Variants in TMIGD3 observed in about 807,000 individuals in gnomAD.
TMIGD3 encodes the protein transmembrane and immunoglobulin domain containing 3.
Under a neutral mutation model 28.1 loss-of-function variants are expected in TMIGD3, and 21 were observed. That is an observed-to-expected ratio of 0.75 (90% confidence interval 0.53 to 1.08). The LOEUF is 1.08. TMIGD3 is among the 50% of genes least tolerant of loss of function. The pLI is 0.00. For missense variants in TMIGD3, 416 were observed against 435.6 expected, an observed-to-expected ratio of 0.96 and a Z score of 0.40; for synonymous variants, 151 against 162.1, an observed-to-expected ratio of 0.93 and a Z score of 0.52.
Position 111,544,569 on chromosome 1 carries a change from C to T in TMIGD3, c.107+19277G>A, listed in dbSNP as rs142470042. On this transcript the variant is annotated intron_variant, in intron 1 of 5. Transcript: ENST00000369717. The stretch of plus-strand genomic sequence containing the variant: ...GTCATTTTTGTAGTTGAATAACGTT[C>T]CATTATATACCACATTTTGTTTATC... Among the ~76,000 whole-genome samples the T allele has an allele frequency of 2.9e-3, 448 of 152,238 alleles. 2 individuals are homozygous for T. The highest frequency in any genetic ancestry group is 5.3e-3 in the Non-Finnish European group (358 of 67,994).
At chr1:111,530,629 G>C (rs934493258) in intron 1 of TMIGD3, among the ~76,000 whole-genome samples, 2 of 152,172 alleles carry the variant, frequency 1.3e-5, no homozygotes, top group Non-Finnish European at 2.9e-5. Flanking sequence ...GTACCTTAAA[G>C]ATGTTGTTCC....
chr1:111,491,006 A>T (rs1654632609), intron 1 of TMIGD3, among the ~76,000 whole-genome samples: 1 of 152,254 alleles, frequency 6.6e-6, no homozygotes, highest in African/African-American at 2.4e-5. Context: ...AGAAAAGCAC[A>T]TGCACACAGC....
chr1:111,508,322 G>A (rs12083507), upstream of TMIGD3, among the ~76,000 whole-genome samples: 30,218 of 152,168 alleles, frequency 0.2, 4,485 homozygotes, highest in African/African-American at 0.42. Context: ...GCACGGTAGC[G>A]TCAGCTTCAA....
chr1:111,487,992 A>G (rs576273444), intron 3 of TMIGD3, among the ~76,000 whole-genome samples: 126 of 152,054 alleles, frequency 8.3e-4, no homozygotes, highest in African/African-American at 2.8e-3. Flanking sequence ...TTTTGTAGGG[A>G]TGGGCTTTCT....
At chr1:111,517,418 A>G (rs938524005) in intron 1 of TMIGD3, among the ~76,000 whole-genome samples, 1 of 151,648 alleles carries the variant, frequency 6.6e-6, no homozygotes, top group Non-Finnish European at 1.5e-5. Flanking sequence ...TACATACCCC[A>G]GGCCATTTGT....
chr1:111,494,374 C>T (rs1654796271), intron 1 of TMIGD3, among the ~76,000 whole-genome samples: 1 of 152,186 alleles, frequency 6.6e-6, no homozygotes, highest in African/African-American at 2.4e-5. Context: ...TTTCAGAAAA[C>T]AAAATCAATG....
intron 1 of TMIGD3, among the ~76,000 whole-genome samples, chr1:111,497,301 G>A (rs1201850597): frequency 1.3e-5 from 2 of 152,026 alleles, no homozygotes; most frequent in Non-Finnish European, 2.9e-5. Flanking sequence ...TAGTAGAGAC[G>A]GGGTTTCACT....
At chr1:111,506,746 C>T (rs563635663), upstream of TMIGD3, among the ~76,000 whole-genome samples, 1 of 151,820 alleles carries the variant, frequency 6.6e-6, no homozygotes, top group Non-Finnish European at 1.5e-5. Context: ...GTAGATTTGG[C>T]AACTGCTCTG....
rs1434383769 is a variant in TMIGD3 at position 111,485,813 on chromosome 1, C to T, written c.900G>A (p.Leu300=). 2.5e-6 allele frequency: 4 copies of T among 1,603,288 alleles called. No homozygotes were observed. Among genetic ancestry groups the T allele is most frequent in the Admixed American group, 3.4e-5 (2 of 59,366 alleles). The change falls in exon 5 of 6, where the codon CTG becomes CTA. Residue 300 remains leucine (L), a synonymous_variant. Transcript: ENST00000369716. The part of the protein sequence containing the change: ...SRTSILIICI[L]ITGLGIISVI... Reference sequence around the variant, plus strand: ...CAGAGATGATTCCCAAACCCGTGATCAGTATGCAAATGATGAGAATGGACG... The same window carrying T: ...CAGAGATGATTCCCAAACCCGTGATTAGTATGCAAATGATGAGAATGGACG...
upstream of TMIGD3, among the ~76,000 whole-genome samples, chr1:111,505,919 T>G (rs1322546930): frequency 6.6e-6 from 1 of 152,202 alleles, no homozygotes; most frequent in Non-Finnish European, 1.5e-5. Context: ...TCCTGTCACC[T>G]GGGTCCGCAC....
chr1:111,507,452 G>A (rs565093047), upstream of TMIGD3, among the ~76,000 whole-genome samples: 14 of 152,296 alleles, frequency 9.2e-5, no homozygotes, highest in African/African-American at 3.4e-4. Flanking sequence ...TCAACCACAA[G>A]GCTGCAACCT....
chr1:111,532,570 G>A (rs1032093636), intron 1 of TMIGD3, among the ~76,000 whole-genome samples: 18 of 152,252 alleles, frequency 1.2e-4, no homozygotes, highest in South Asian at 4.2e-4. Flanking sequence ...CAGGAGAATC[G>A]CTTGAGGCCA....
intron 1 of TMIGD3, among the ~76,000 whole-genome samples, chr1:111,495,676 C>T (rs1212698539): frequency 2.0e-5 from 3 of 152,150 alleles, no homozygotes; most frequent in Non-Finnish European, 2.9e-5. Context: ...TGGGTATATA[C>T]CCAAAGAAAT....
At chr1:111,563,378 GAAATAATTGGAA>G (rs1338622152) in intron 1 of TMIGD3, among the ~76,000 whole-genome samples, 1 of 152,222 alleles carries the variant, frequency 6.6e-6, no homozygotes, top group Non-Finnish European at 1.5e-5. Flanking sequence ...ATTCACATAT[GAAATAATTGGAA>G]AACAGTATTC....
chr1:111,483,683 T>G lies in TMIGD3; in HGVS notation c.*4A>C, dbSNP rs756008657. On this transcript the variant is annotated 3_prime_UTR_variant, in exon 6 of 6. Coordinates refer to ENST00000369716, the MANE Select transcript of TMIGD3 (RefSeq NM_020683.7). The stretch of plus-strand genomic sequence containing the variant: ...TTTATGAACTAAATTAAAAAAATCT[T>G]CAGTCACATCTGTTCAGTAGGAGCC... 1 of 1,611,030 alleles carries G rather than the reference T, an allele frequency of 6.2e-7. No homozygotes were observed. The highest frequency in any genetic ancestry group is 8.5e-7 in the Non-Finnish European group (1 of 1,177,240).
In TMIGD3 at chr1:111,485,893, T is replaced by A. The variant is rs72695203; in HGVS notation, c.873-53A>T. ...TTGCTTGGAAGAAACTGCCTATTGA[T>A]TCTCAGCTCTGGATCCCTTTTTCTG... On this transcript the variant is annotated intron_variant, in intron 4 of 5. Transcript: ENST00000369716. 3.2e-3 allele frequency: 4,458 copies of A among 1,408,812 alleles called. 11 individuals are homozygous for A. The highest frequency in any genetic ancestry group is 3.2e-3 in the Non-Finnish European group (3,196 of 1,008,394). 87.3% of individuals were successfully genotyped at this position (1,408,812 alleles called of 1,614,324 possible). A position where few individuals can be genotyped will look rare whatever the true frequency, so the allele number is the denominator to read the frequency against.
At chr1:111,511,697 A>ACACACACACACACACACACACACC (rs1655696937) in intron 1 of TMIGD3, among the ~76,000 whole-genome samples, 1 of 150,934 alleles carries the variant, frequency 6.6e-6, no homozygotes, top group African/African-American at 2.4e-5. Flanking sequence ...ACACACACAC[A>ACACACACACACACACACACACACC]CGTCCACATG....
At chr1:111,509,754 G>A (rs1655629583) in intron 1 of TMIGD3, among the ~76,000 whole-genome samples, 1 of 152,236 alleles carries the variant, frequency 6.6e-6, no homozygotes, top group African/African-American at 2.4e-5. Flanking sequence ...TGTAAGAGCT[G>A]CCATTGATAA....
At position 111,503,340 on chromosome 1, in the gene TMIGD3, G is replaced by A; in HGVS notation, c.15C>T (p.Ser5=). 2 of 1,610,508 alleles carry A rather than the reference G, an allele frequency of 1.2e-6. No individual in the cohort carries two copies. Residue 5 remains serine (S), a synonymous_variant, in exon 1 of 6, where the codon AGC becomes AGT. Coordinates refer to ENST00000369716, the MANE Select transcript of TMIGD3 (RefSeq NM_020683.7). MPNN[S]TALSLANVTY... ...TAACATTGGCCAATGACAGAGCAGT[G>A]CTGTTGTTGGGCATCTTGCCTTCCC...
Sources: allele counts gnomAD v4.1 joint callset (sites outside exome capture counted in the v4.1 genomes callset), GRCh38; gene constraint gnomAD v4.1.1; transcripts MANE v1.5; gene names NCBI Gene and HGNC (gene_info 2026-07-23, HGNC 2026-07-21).